Variants in NIN observed in about 807,000 individuals in gnomAD.
NIN encodes the protein glycogen synthase kinase 3 beta-interacting protein.
NIN carries 137 observed loss-of-function variants against 257.6 expected under a neutral mutation model. The ratio of observed to expected loss-of-function variants is 0.53; its 90% CI spans 0.46 to 0.61. NIN has a LOEUF of 0.61. Among genes scored for constraint, NIN ranks in the 20% least tolerant of loss-of-function variants. The probability of loss-of-function intolerance (pLI) is 0.00; values close to 1 mark genes in which losing one functional copy is unlikely to be tolerated. For missense variants in NIN, 2,439 were observed against 2,501.2 expected (o/e 0.98, Z 0.53); for synonymous variants, 918 against 919.8 (o/e 1.00, Z 0.04).
chr14:50,768,276 A>T (rs1039031521), intron 12 of NIN, among the ~76,000 whole-genome samples: 5 of 152,220 alleles, frequency 3.3e-5, no homozygotes, highest in African/African-American at 1.2e-4. Context: ...TTTAAAAAAT[A>T]CTACCTTCCC....
In NIN at chr14:50,811,982, G is replaced by A. The variant is rs545114611; in HGVS notation, c.184-5164C>T. Among the ~76,000 whole-genome samples, 321 of 151,528 alleles carry A rather than the reference G, an allele frequency of 2.1e-3. 6 individuals carry two copies. The highest frequency in any genetic ancestry group is 7.3e-3 in the African/African-American group (302 of 41,304). On this transcript the variant is annotated intron_variant, in intron 3 of 30. Coordinates refer to ENST00000530997, the MANE Select transcript of NIN (RefSeq NM_020921.4). ...AAAAAAAAAAAAAATGTAGCTGGGC[G>A]TGGTGGCAGTGCCTGTAGTCCCAGC...
rs183438832 is a variant in NIN at position 50,744,384 on chromosome 14, T to G, written c.5065-19A>C. 6.2e-6 allele frequency: 10 copies of G among 1,612,450 alleles called. No individual in the cohort carries two copies. In the Admixed American group the frequency reaches 6.7e-5, roughly 11 times the overall value. On this transcript the variant is annotated intron_variant, in intron 22 of 30. Transcript: ENST00000530997. ...TGTGCAGCTGTAAGAGATAAACAAA[T>G]GAGCCCTCCCATCACATCTCATGGC...
chr14:50,826,624 C>T (rs909034573), intron 2 of NIN, among the ~76,000 whole-genome samples: 15 of 152,012 alleles, frequency 9.9e-5, no homozygotes, highest in South Asian at 6.2e-4. Flanking sequence ...CAGTGTTCAA[C>T]CAAGGTACAG....
chr14:50,734,604 C>T lies in NIN; in HGVS notation c.5877+912G>A, dbSNP rs536493352. Among the ~76,000 whole-genome samples, 10 of 152,270 alleles carry T rather than the reference C, an allele frequency of 6.6e-5. No homozygotes were observed. In the South Asian group the frequency reaches 8.3e-4, roughly 13 times the overall value. On this transcript the variant is annotated intron_variant, in intron 28 of 30. Coordinates refer to ENST00000530997, the MANE Select transcript of NIN (RefSeq NM_020921.4). ...GTTTGTTATATCCTATAATTAAACTCGGTATTCAGAAAGCAATCTAGAAGA... is the reference window on the plus strand; with the variant it reads ...GTTTGTTATATCCTATAATTAAACTTGGTATTCAGAAAGCAATCTAGAAGA...
intron 18 of NIN, among the ~76,000 whole-genome samples, chr14:50,756,077 CTAAGT>C (rs1566809041): frequency 6.6e-6 from 1 of 151,640 alleles, no homozygotes; most frequent in Non-Finnish European, 1.5e-5. Context: ...TTCTTATCTA[CTAAGT>C]TAATAATACA....
At chr14:50,808,634 C>A (rs2044441590) in intron 3 of NIN, among the ~76,000 whole-genome samples, 1 of 152,164 alleles carries the variant, frequency 6.6e-6, no homozygotes, top group South Asian at 2.1e-4. Flanking sequence ...CTGCTCTATG[C>A]CAGGCATTGT....
At chr14:50,739,733 T>G (rs1057096987) in intron 25 of NIN, among the ~76,000 whole-genome samples, 1 of 152,254 alleles carries the variant, frequency 6.6e-6, no homozygotes, top group Non-Finnish European at 1.5e-5. Flanking sequence ...AAAACAGCCA[T>G]GCCATGTCCA....
At chr14:50,733,755 G>C (rs1162527666) in intron 28 of NIN, among the ~76,000 whole-genome samples, 1 of 152,048 alleles carries the variant, frequency 6.6e-6, no homozygotes, top group South Asian at 2.1e-4. Flanking sequence ...ATTCCTCAGA[G>C]TATATAATTA....
At chr14:50,800,017 C>T (rs1428167516) in intron 4 of NIN, among the ~76,000 whole-genome samples, 4 of 21,862 alleles carry the variant, frequency 1.8e-4, no homozygotes, top group African/African-American at 2.6e-4. Flanking sequence ...TACACACACA[C>T]ACACACACAC....
chr14:50,823,272 G>A (rs2045317527), intron 2 of NIN: 4 of 574,676 alleles, frequency 7.0e-6, no homozygotes, highest in African/African-American at 1.9e-5. Context: ...TGCCAAACAC[G>A]ACATACACCC....
chr14:50,811,174 T>C (rs2044581645), intron 3 of NIN, among the ~76,000 whole-genome samples: 1 of 150,580 alleles, frequency 6.6e-6, no homozygotes. Context: ...AGTGGCGCAA[T>C]CTTGGCTCAC....
At position 50,763,911 on chromosome 14, in the gene NIN, T is replaced by G; in HGVS notation, c.1689A>C (p.Ala563=). The G allele has an allele frequency of 1.9e-6, 3 of 1,614,164 alleles. No individual in the cohort carries two copies. Among genetic ancestry groups the G allele is most frequent in the Non-Finnish European group, 2.5e-6 (3 of 1,180,000 alleles). The change falls in exon 15 of 31, where the codon GCA becomes GCC. Residue 563 remains alanine, a synonymous_variant. Transcript: ENST00000530997. ...ELQSELEEYR[A]QGRVLRLPLK... ...ACGGAAGCCTGAGCACTCTGCCTTG[T>G]GCACGATATTCTTCCAGCTCAGACT...
At chr14:50,724,973 A>G (rs981007720) in intron 30 of NIN, among the ~76,000 whole-genome samples, 1 of 152,180 alleles carries the variant, frequency 6.6e-6, no homozygotes, top group Non-Finnish European at 1.5e-5. Context: ...GGCACCTTGT[A>G]AGTGCATTCT....
intron 4 of NIN, among the ~76,000 whole-genome samples, chr14:50,802,135 A>ATTT (rs2044129065): frequency 1.3e-5 from 2 of 152,258 alleles, no homozygotes; most frequent in African/African-American, 2.4e-5. Flanking sequence ...CTATTCCAGA[A>ATTT]AAATAATTTA....
chr14:50,759,999 C>A lies in NIN; in HGVS notation c.2257G>T (p.Glu753Ter), dbSNP rs1371485612. ...TCCTGAGTCAAGCCTCTCACCTTCT[C>A]TTCTGTCCAGGCGCTACTCTGAAGG... ...EGLQSSAWTEEKVRGLTQELE... is the reference protein window; with the variant it reads ...EGLQSSAWTE The change falls in exon 17 of 31, where the codon GAG becomes TAG. Residue 753 changes from glutamate (E) to a stop codon, truncating the protein, a stop_gained. Transcript: ENST00000530997. LOFTEE classifies it high-confidence loss of function. 6.2e-7 allele frequency: 1 copy of A among 1,614,110 alleles called. No homozygotes were observed. The highest frequency in any genetic ancestry group is 8.5e-7 in the Non-Finnish European group (1 of 1,180,042).
intron 3 of NIN, among the ~76,000 whole-genome samples, chr14:50,818,676 C>T (rs1365880309): frequency 2.6e-5 from 4 of 152,154 alleles, no homozygotes; most frequent in African/African-American, 9.7e-5. Flanking sequence ...AAACACTTAT[C>T]GGCAATATCC....
chr14:50,826,657 C>A (rs1407128832), intron 2 of NIN, among the ~76,000 whole-genome samples: 1 of 152,108 alleles, frequency 6.6e-6, no homozygotes, highest in Non-Finnish European at 1.5e-5. Flanking sequence ...AACAATGACA[C>A]CCCAGCTAAA....
At chr14:50,792,966 T>C in intron 4 of NIN, 85 bp from the exon 5 acceptor site, 1 of 1,374,884 alleles carries the variant, frequency 7.3e-7, no homozygotes, top group South Asian at 1.3e-5. Context: ...ACACAGCCTC[T>C]TATACCAACC....
At chr14:50,795,983 A>C (rs2043820432) in intron 4 of NIN, among the ~76,000 whole-genome samples, 1 of 152,218 alleles carries the variant, frequency 6.6e-6, no homozygotes, top group Non-Finnish European at 1.5e-5. Context: ...CATCTCAAAA[A>C]CAGAAACGAA....
Sources: allele counts gnomAD v4.1 joint callset (sites outside exome capture counted in the v4.1 genomes callset), GRCh38; gene constraint gnomAD v4.1.1; transcripts MANE v1.5; gene names NCBI Gene and HGNC (gene_info 2026-07-23, HGNC 2026-07-21).